COPG2: variants seen among roughly 807,000 people sequenced by gnomAD.
COPG2 encodes the protein coatomer subunit gamma-2.
Under a neutral mutation model 46.3 loss-of-function variants are expected in COPG2, and 37 were observed. The observed-to-expected ratio is 0.80, with a 90% confidence interval of 0.61 to 1.05. The LOEUF (loss-of-function observed/expected upper bound fraction) is 1.05. Among genes scored for constraint, COPG2 ranks in the 50% least tolerant of loss-of-function variants. The pLI, the probability that COPG2 is intolerant of heterozygous loss-of-function variation, is 0.00. For synonymous variants in COPG2, 159 were observed against 129.7 expected (o/e 1.23, Z -1.53); for missense variants, 427 against 387.8 (o/e 1.10, Z -0.85).
chr7:130,566,200 G>T (rs1475684708), intron 9 of COPG2, among the ~76,000 whole-genome samples: 1 of 152,184 alleles, frequency 6.6e-6, no homozygotes, highest in East Asian at 1.9e-4. Context: ...GTGTGAAATT[G>T]TATCTCATTG....
At chr7:130,660,446 C>T (rs1401016418) in intron 4 of COPG2, among the ~76,000 whole-genome samples, 1 of 152,188 alleles carries the variant, frequency 6.6e-6, no homozygotes, top group Non-Finnish European at 1.5e-5. Flanking sequence ...GATCCTCCTG[C>T]AACCCTCTGA....
intron 4 of COPG2, among the ~76,000 whole-genome samples, chr7:130,653,616 C>G (rs1554459464): frequency 6.6e-6 from 1 of 152,206 alleles, no homozygotes; most frequent in African/African-American, 2.4e-5. Context: ...CCCGACTCAA[C>G]TGGATCTCTG....
At chr7:130,524,560 C>T (rs890739437) in intron 20 of COPG2, among the ~76,000 whole-genome samples, 20 of 152,012 alleles carry the variant, frequency 1.3e-4, no homozygotes, top group South Asian at 6.2e-4. Context: ...AGAGGAGAGC[C>T]TGTTGAGAGC....
chr7:130,584,662 A>G (rs1384190458), intron 9 of COPG2, among the ~76,000 whole-genome samples: 1 of 152,086 alleles, frequency 6.6e-6, no homozygotes, highest in East Asian at 1.9e-4. Context: ...CTATACACCA[A>G]TAGCAACTAA....
At chr7:130,618,597 T>C (rs1485412355) in intron 5 of COPG2, among the ~76,000 whole-genome samples, 6 of 152,190 alleles carry the variant, frequency 3.9e-5, no homozygotes, top group Non-Finnish European at 5.9e-5. Context: ...TTTGTAAGTG[T>C]TCCATGAATA....
At chr7:130,645,754 TCA>T (rs1458336838) in intron 5 of COPG2, among the ~76,000 whole-genome samples, 1 of 152,162 alleles carries the variant, frequency 6.6e-6, no homozygotes, top group African/African-American at 2.4e-5. Flanking sequence ...ACAGACACTG[TCA>T]CGGTGGAGAA....
At chr7:130,665,543 A>G (rs1796059990) in intron 3 of COPG2, among the ~76,000 whole-genome samples, 1 of 152,216 alleles carries the variant, frequency 6.6e-6, no homozygotes, top group African/African-American at 2.4e-5. Context: ...TCCCTAAACA[A>G]TACAGCACAA....
chr7:130,643,946 G>T (rs1795542819), intron 5 of COPG2, among the ~76,000 whole-genome samples: 1 of 152,186 alleles, frequency 6.6e-6, no homozygotes, highest in African/African-American at 2.4e-5. Context: ...TCCAGCCTGG[G>T]TGACAGAGAG....
chr7:130,628,915 G>A (rs1554454708), intron 5 of COPG2, among the ~76,000 whole-genome samples: 2 of 152,154 alleles, frequency 1.3e-5, no homozygotes, highest in Non-Finnish European at 2.9e-5. Context: ...AGGCATAGTA[G>A]TGTTCGCCTG....
At chr7:130,632,134 T>C (rs1554455307) in intron 5 of COPG2, among the ~76,000 whole-genome samples, 2 of 152,366 alleles carry the variant, frequency 1.3e-5, no homozygotes. Context: ...TAATATTTAC[T>C]GTAGAGCAGG....
chr7:130,515,703 G>A (rs990980392), intron 20 of COPG2, among the ~76,000 whole-genome samples: 2 of 151,976 alleles, frequency 1.3e-5, no homozygotes, highest in African/African-American at 4.8e-5. Context: ...TGAAAGGAGA[G>A]GAGAGATGGA....
At chr7:130,509,234 A>G (rs1799555759) in intron 20 of COPG2, 1 of 502,670 alleles carries the variant, frequency 2.0e-6, no homozygotes, top group African/African-American at 1.9e-5. Flanking sequence ...TGGTAAAGTC[A>G]GTGTCTTAAA....
chr7:130,653,346 G>A lies in COPG2; in HGVS notation c.244-398C>T, dbSNP rs147467845. Among the ~76,000 whole-genome samples the A allele has an allele frequency of 2.6e-4, 40 of 152,208 alleles. No homozygotes were observed. In the East Asian group the frequency reaches 6.2e-3, roughly 23 times the overall value. On this transcript the variant is annotated intron_variant, in intron 4 of 23. Coordinates refer to ENST00000425248, the MANE Select transcript of COPG2 (RefSeq NM_012133.6). ...GTGGCTCACCACAACCTCCGCCTCC[G>A]GGGTTCAAGCAATTCTCCTGCCGCA... is the stretch of plus-strand genomic sequence containing the variant.
chr7:130,643,219 C>A (rs534370006), intron 5 of COPG2, among the ~76,000 whole-genome samples: 11 of 150,334 alleles, frequency 7.3e-5, no homozygotes, highest in Non-Finnish European at 1.5e-4. Context: ...GGCATGAACC[C>A]GGGAGGCGGA....
chr7:130,531,689 G>A (rs1799827023), intron 20 of COPG2, among the ~76,000 whole-genome samples: 1 of 152,170 alleles, frequency 6.6e-6, no homozygotes, highest in Non-Finnish European at 1.5e-5. Context: ...GAGAGGGGCA[G>A]AGGAGGAAAT....
At chr7:130,598,336 C>A (rs782444904) in intron 9 of COPG2, among the ~76,000 whole-genome samples, 42 of 152,118 alleles carry the variant, frequency 2.8e-4, no homozygotes, top group Non-Finnish European at 4.7e-4. Context: ...GAAAGGGAAG[C>A]CGTACTCCAA....
intron 4 of COPG2, 99 bp from the exon 5 acceptor site, chr7:130,653,047 G>A: frequency 6.9e-6 from 5 of 720,462 alleles, no homozygotes; most frequent in East Asian, 2.9e-5. Context: ...ATTTTAGAAA[G>A]ATATTCTTTA....
At chr7:130,522,337 A>G (rs1799730786) in intron 20 of COPG2, among the ~76,000 whole-genome samples, 1 of 152,236 alleles carries the variant, frequency 6.6e-6, no homozygotes, top group South Asian at 2.1e-4. Context: ...AAAAGAATGC[A>G]TGATGGGGAT....
intron 20 of COPG2, among the ~76,000 whole-genome samples, chr7:130,537,814 T>C (rs985710029): frequency 7.0e-4 from 106 of 152,204 alleles, no homozygotes; most frequent in African/African-American, 2.6e-3. Flanking sequence ...GGAGAAAGCA[T>C]GGTGTGGGTA....
Sources: allele counts gnomAD v4.1 joint callset (sites outside exome capture counted in the v4.1 genomes callset), GRCh38; gene constraint gnomAD v4.1.1; transcripts MANE v1.5; gene names NCBI Gene and HGNC (gene_info 2026-07-23, HGNC 2026-07-21).